COQ10B: variants seen among roughly 807,000 people sequenced by gnomAD.
COQ10B encodes coenzyme Q-binding protein COQ10 homolog B, mitochondrial.
COQ10B carries 12 observed loss-of-function variants against 27.6 expected under a neutral mutation model. The observed-to-expected ratio is 0.43, with a 90% confidence interval of 0.28 to 0.70. The LOEUF is 0.70. Among genes scored for constraint, COQ10B ranks in the 30% least tolerant of loss-of-function variants. The pLI, the probability that COQ10B is intolerant of heterozygous loss-of-function variation, is 0.17. For synonymous variants in COQ10B, 115 were observed against 103.0 expected, an observed-to-expected ratio of 1.12 and a Z score of -0.71; for missense variants, 278 against 288.7, an observed-to-expected ratio of 0.96 and a Z score of 0.27.
intron 3 of COQ10B, among the ~76,000 whole-genome samples, chr2:197,467,385 T>C (rs1052980492): frequency 1.3e-5 from 2 of 152,024 alleles, no homozygotes; most frequent in African/African-American, 4.8e-5. Context: ...CTGGATTTGA[T>C]TGATTGATTA....
rs551138604 is a variant in COQ10B at position 197,474,068 on chromosome 2, A to G, written c.*144A>G. ...AACCTGCACCATTGAAAATTTGCAC[A>G]TAGAATATAGACTCACTTGTACATA... On this transcript the variant is annotated 3_prime_UTR_variant, in exon 5 of 5. Coordinates refer to ENST00000263960, the MANE Select transcript of COQ10B (RefSeq NM_025147.5). The G allele has an allele frequency of 5.7e-5, 27 of 472,886 alleles. No individual in the cohort carries two copies. The East Asian group carries it at 8.5e-4, about 15-fold the overall frequency. 29.3% of individuals were successfully genotyped at this position (472,886 alleles called of 1,614,324 possible). A position where few individuals can be genotyped will look rare whatever the true frequency, so the allele number is the denominator to read the frequency against.
chr2:197,460,974 C>G (rs2085751492), intron 2 of COQ10B, among the ~76,000 whole-genome samples: 1 of 152,206 alleles, frequency 6.6e-6, no homozygotes, highest in Non-Finnish European at 1.5e-5. Flanking sequence ...CGGAAATACA[C>G]CATCCCTCCA....
At position 197,462,582 on chromosome 2, in the gene COQ10B, G is replaced by A. The variant is rs369221527; in HGVS notation, c.298G>A (p.Asp100Asn). ...EMYDVVSGVEDYKHFVPWCKK... is the reference protein window; with the variant it reads ...EMYDVVSGVENYKHFVPWCKK... ...GTATGATGTAGTATCGGGAGTGGAGGATTACAAGCATTTTGTTCCTTGGTG... is the reference window on the plus strand; with the variant it reads ...GTATGATGTAGTATCGGGAGTGGAGAATTACAAGCATTTTGTTCCTTGGTG... The change falls in exon 3 of 5, where the codon GAT becomes AAT. Residue 100 changes from aspartate (D) to asparagine (N), a missense_variant. Asp to Asn is a conservative substitution (Grantham distance 23). Coordinates refer to ENST00000263960, the MANE Select transcript of COQ10B (RefSeq NM_025147.5). 13 of 1,594,004 alleles carry A rather than the reference G, an allele frequency of 8.2e-6. No homozygotes were observed. The highest frequency in any genetic ancestry group is 1.1e-5 in the Non-Finnish European group (13 of 1,166,602).
chr2:197,465,500 C>G (rs1296768433), intron 3 of COQ10B, among the ~76,000 whole-genome samples: 1 of 151,910 alleles, frequency 6.6e-6, no homozygotes, highest in Non-Finnish European at 1.5e-5. Flanking sequence ...CCATATTGGC[C>G]ACGCTGGTCT....
At chr2:197,462,196 G>A (rs962584094) in intron 2 of COQ10B, among the ~76,000 whole-genome samples, 2 of 151,428 alleles carry the variant, frequency 1.3e-5, no homozygotes, top group South Asian at 2.1e-4. Flanking sequence ...TTGAACCCGG[G>A]AGGTGGAGGT....
At chr2:197,471,461 A>G (rs1266821132) in intron 4 of COQ10B, among the ~76,000 whole-genome samples, 1 of 152,096 alleles carries the variant, frequency 6.6e-6, no homozygotes, top group Non-Finnish European at 1.5e-5. Context: ...TCTTTTTCAT[A>G]TAATCGTAGT....
chr2:197,454,208 C>A, intron 1 of COQ10B: 2 of 1,361,954 alleles, frequency 1.5e-6, no homozygotes, highest in Non-Finnish European at 2.0e-6. Context: ...ACTTACAGGT[C>A]CTGTAACCTT....
At chr2:197,453,813 C>T in intron 1 of COQ10B, 149 bp downstream of exon 1, 4 of 1,019,730 alleles carry the variant, frequency 3.9e-6, no homozygotes, top group Non-Finnish European at 5.7e-6. Context: ...CGTTTGGCAT[C>T]TGAGGGACTC....
At chr2:197,466,312 C>T (rs2106053932) in intron 3 of COQ10B, among the ~76,000 whole-genome samples, 1 of 152,320 alleles carries the variant, frequency 6.6e-6, no homozygotes, top group African/African-American at 2.4e-5. Flanking sequence ...ATCTGTAATG[C>T]ACTTACCTTC....
In COQ10B at chr2:197,462,539, A is replaced by G. The variant is rs780983426; in HGVS notation, c.255A>G (p.Gly85=). 1.0e-4 allele frequency: 155 copies of G among 1,517,948 alleles called. No individual in the cohort carries two copies. Among genetic ancestry groups the G allele is most frequent in the Non-Finnish European group, 1.4e-4 (152 of 1,114,760 alleles). 94.0% of individuals were successfully genotyped at this position (1,517,948 alleles called of 1,614,324 possible). The change falls in exon 3 of 5, where the codon GGA becomes GGG. Residue 85 remains glycine, a splice_region_variant and synonymous_variant. Transcript: ENST00000263960. ...TCTTTTTTATTTTTATTTTTTAAAG[A>G]TATTCAATGCAGGAAATGTATGATG... is the stretch of plus-strand genomic sequence containing the variant. ...RKEYSERRIL[G]YSMQEMYDVV...
intron 1 of COQ10B, among the ~76,000 whole-genome samples, chr2:197,455,440 C>T (rs1250513893): frequency 2.0e-5 from 3 of 147,910 alleles, no homozygotes; most frequent in Non-Finnish European, 4.5e-5. Flanking sequence ...GACAACATGG[C>T]AAAACCTTGT....
chr2:197,473,781 C>T lies in COQ10B; in HGVS notation c.574C>T (p.Leu192=). The T allele has an allele frequency of 1.3e-6, 2 of 1,579,474 alleles. No individual in the cohort carries two copies. Among genetic ancestry groups the T allele is most frequent in the Non-Finnish European group, 1.7e-6 (2 of 1,162,908 alleles). The change falls in exon 5 of 5, where the codon CTA becomes TTA. Residue 192 remains leucine (L), a synonymous_variant. Coordinates refer to ENST00000263960, the MANE Select transcript of COQ10B (RefSeq NM_025147.5). ...GATTTCTTTTGAATTTCGATCACTTCTACATTCCCAGCTTGCCACACTCTT... is the reference window on the plus strand; with the variant it reads ...GATTTCTTTTGAATTTCGATCACTTTTACATTCCCAGCTTGCCACACTCTT... ...FSISFEFRSL[L]HSQLATLFFD... is the part of the protein sequence containing the mutation.
At chr2:197,462,156 CT>C (rs2085767608) in intron 2 of COQ10B, among the ~76,000 whole-genome samples, 1 of 151,598 alleles carries the variant, frequency 6.6e-6, no homozygotes, top group Admixed American at 6.6e-5. Context: ...GGAGTCCCAG[CT>C]ACTCGGGAGA....
At chr2:197,453,959 C>T (rs2085666839) in intron 1 of COQ10B, 2 of 1,550,630 alleles carry the variant, frequency 1.3e-6, no homozygotes, top group Admixed American at 2.0e-5. Context: ...CGGTCTCCTC[C>T]CCTATGGCTT....
At chr2:197,455,286 A>G (rs563782034) in intron 1 of COQ10B, among the ~76,000 whole-genome samples, 2 of 152,218 alleles carry the variant, frequency 1.3e-5, no homozygotes, top group East Asian at 3.9e-4. Flanking sequence ...AGGTTTCAGC[A>G]CTGTTCACAG....
rs747419899 is a variant in COQ10B at position 197,473,925 on chromosome 2, AG to A, written c.*3del. On this transcript the variant is annotated 3_prime_UTR_variant, in exon 5 of 5. Coordinates refer to ENST00000263960, the MANE Select transcript of COQ10B (RefSeq NM_025147.5). ...GCTTCATGAAGTCCATCACACATAA[AG>A]GCAAAAAAGAACTGGTGCCACCTGC... The A allele has an allele frequency of 3.4e-6, 5 of 1,485,534 alleles. No homozygotes were observed. The Admixed American group carries it at 1.1e-4, about 32-fold the overall frequency. 92.0% of individuals were successfully genotyped at this position (1,485,534 alleles called of 1,614,324 possible).
At chr2:197,463,996 TACACACACACAC>T (rs1241115366) in intron 3 of COQ10B, among the ~76,000 whole-genome samples, 4 of 32,850 alleles carry the variant, frequency 1.2e-4, no homozygotes, top group African/African-American at 4.8e-4. Context: ...TATATATATA[TACACACACACAC>T]ACACACACAC....
intron 4 of COQ10B, among the ~76,000 whole-genome samples, chr2:197,473,487 T>C (rs375009144): frequency 6.5e-4 from 91 of 139,454 alleles, no homozygotes; most frequent in Middle Eastern, 3.8e-3. Flanking sequence ...CGTATATATA[T>C]GTATATACGT....
intron 1 of COQ10B, chr2:197,453,869 C>T: frequency 5.3e-6 from 7 of 1,311,318 alleles, no homozygotes; most frequent in East Asian, 5.0e-5. Context: ...GTTCGTGGCT[C>T]GTTTGCCTCG....
Sources: allele counts gnomAD v4.1 joint callset (sites outside exome capture counted in the v4.1 genomes callset), GRCh38; gene constraint gnomAD v4.1.1; transcripts MANE v1.5; gene names NCBI Gene and HGNC (gene_info 2026-07-23, HGNC 2026-07-21).